C12orf42: variants seen among roughly 807,000 people sequenced by gnomAD.
C12orf42 encodes the protein uncharacterized protein C12orf42.
A neutral mutation model predicts 21.6 loss-of-function variants in C12orf42; 25 were observed. The ratio of observed to expected loss-of-function variants is 1.16; its 90% CI spans 0.84 to 1.62. The LOEUF (loss-of-function observed/expected upper bound fraction) is 1.62, where lower values mean the gene tolerates loss of function less well. C12orf42 is among the 40% of genes most tolerant of loss of function. C12orf42 has a pLI of 0.00. For missense variants in C12orf42, 483 were observed against 459.3 expected, an observed-to-expected ratio of 1.05 and a Z score of -0.47; for synonymous variants, 174 against 175.0, an observed-to-expected ratio of 0.99 and a Z score of 0.05.
intron 3 of C12orf42, among the ~76,000 whole-genome samples, chr12:103,393,550 A>T (rs1004129554): frequency 2.0e-5 from 3 of 152,146 alleles, no homozygotes; most frequent in African/African-American, 7.2e-5. Flanking sequence ...TATATGACAA[A>T]TATCAACAAC....
At chr12:103,395,375 G>T (rs187277882) in intron 3 of C12orf42, among the ~76,000 whole-genome samples, 153 of 143,080 alleles carry the variant, frequency 1.1e-3, no homozygotes, top group African/African-American at 3.6e-3. Flanking sequence ...TCACTCTGTC[G>T]CCCAGGCTGG....
chr12:103,557,161 T>C, the C12orf42 span, among the ~76,000 whole-genome samples: 4 of 152,160 alleles, frequency 2.6e-5, no homozygotes, highest in East Asian at 7.7e-4. Context: ...TCCAAGAAAC[T>C]ATTTGAATTC....
At chr12:103,494,889 G>A (rs535139258) in intron 1 of C12orf42, among the ~76,000 whole-genome samples, 2 of 152,300 alleles carry the variant, frequency 1.3e-5, no homozygotes, top group East Asian at 1.9e-4. Flanking sequence ...CCGGGAGGGG[G>A]CAGCACAGTT....
At chr12:103,508,160 T>C in the C12orf42 span, among the ~76,000 whole-genome samples, 1 of 152,200 alleles carries the variant, frequency 6.6e-6, no homozygotes, top group Non-Finnish European at 1.5e-5. Flanking sequence ...TTTTTCAACT[T>C]TATAATGAGT....
the C12orf42 span, among the ~76,000 whole-genome samples, chr12:103,516,026 A>G: frequency 6.6e-6 from 1 of 152,238 alleles, no homozygotes; most frequent in Non-Finnish European, 1.5e-5. Context: ...CAGTATAGAT[A>G]GTACTTGGAA....
At chr12:103,143,493 A>G in the C12orf42 span, among the ~76,000 whole-genome samples, 1 of 152,230 alleles carries the variant, frequency 6.6e-6, no homozygotes, top group Admixed American at 6.5e-5. Context: ...AGGACTGTAG[A>G]AACTCACAAA....
chr12:103,210,579 G>A, the C12orf42 span, among the ~76,000 whole-genome samples: 1 of 145,948 alleles, frequency 6.9e-6, no homozygotes, highest in Non-Finnish European at 1.5e-5. Flanking sequence ...TGCATTTCAT[G>A]AACACTGTTC....
chr12:103,272,574 C>A (rs1236108796), intron 5 of C12orf42, among the ~76,000 whole-genome samples: 1 of 152,124 alleles, frequency 6.6e-6, no homozygotes, highest in Non-Finnish European at 1.5e-5. Context: ...AAAGAACACC[C>A]TTATTTTCTA....
At chr12:103,321,850 C>G (rs1238330995) in intron 4 of C12orf42, among the ~76,000 whole-genome samples, 2 of 150,326 alleles carry the variant, frequency 1.3e-5, no homozygotes, top group Non-Finnish European at 3.0e-5. Context: ...GAACATCACA[C>G]TCTGGGGCCT....
chr12:103,421,555 C>T (rs989509083), intron 2 of C12orf42, among the ~76,000 whole-genome samples: 2 of 151,204 alleles, frequency 1.3e-5, no homozygotes, highest in Non-Finnish European at 2.9e-5. Context: ...GTCTGGGCAA[C>T]AGAGCAAGAC....
chr12:103,365,451 C>T (rs540164443), intron 4 of C12orf42, among the ~76,000 whole-genome samples: 1 of 152,134 alleles, frequency 6.6e-6, no homozygotes, highest in South Asian at 2.1e-4. Context: ...TTCTATTCAA[C>T]ATAGTACTGG....
chr12:103,540,690 T>C, the C12orf42 span, among the ~76,000 whole-genome samples: 3 of 152,214 alleles, frequency 2.0e-5, no homozygotes. Context: ...CAAGTTTATC[T>C]CTTTTAAATA....
At position 103,442,722 on chromosome 12, in the gene C12orf42, T is replaced by G. The variant is rs1951330659; in HGVS notation, c.78+35627A>C. ...TTAACAAATAATACATTAAGCGCTTTCTATGTGTCAGACACTGCACTACAT... is the reference window on the plus strand; with the variant it reads ...TTAACAAATAATACATTAAGCGCTTGCTATGTGTCAGACACTGCACTACAT... On this transcript the variant is annotated intron_variant, in intron 2 of 5. Transcript: ENST00000548883. 1.3e-5 allele frequency among the ~76,000 whole-genome samples: 2 copies of G among 152,156 alleles called. 1 individual carries two copies. The highest frequency in any genetic ancestry group is 4.1e-4 in the South Asian group (2 of 4,832).
the C12orf42 span, among the ~76,000 whole-genome samples, chr12:103,089,501 C>A: frequency 6.6e-6 from 1 of 152,002 alleles, no homozygotes; most frequent in Non-Finnish European, 1.5e-5. Context: ...CGTAAGAAAT[C>A]GGTAATGAGA....
chr12:103,135,331 G>A, the C12orf42 span, among the ~76,000 whole-genome samples: 1 of 152,026 alleles, frequency 6.6e-6, no homozygotes, highest in African/African-American at 2.4e-5. Context: ...GGTGGCAGGT[G>A]TCTGTAGTCC....
chr12:103,450,665 A>T (rs1592867142), intron 2 of C12orf42, among the ~76,000 whole-genome samples: 1 of 151,920 alleles, frequency 6.6e-6, no homozygotes, highest in East Asian at 1.9e-4. Context: ...CTCCAGTTTT[A>T]CTCTCCAGGA....
chr12:103,469,935 G>T (rs559146964), intron 2 of C12orf42, among the ~76,000 whole-genome samples: 1 of 152,248 alleles, frequency 6.6e-6, no homozygotes, highest in East Asian at 1.9e-4. Flanking sequence ...AGCTCAGTTT[G>T]CTCATAAAAT....
chr12:103,242,497 C>T (rs1301674396), intron 10 of C12orf42, among the ~76,000 whole-genome samples: 8 of 151,852 alleles, frequency 5.3e-5, no homozygotes, highest in Middle Eastern at 3.4e-3. Context: ...AATACTTCAC[C>T]CTGTCTTTTT....
chr12:103,224,396 G>T, the C12orf42 span, among the ~76,000 whole-genome samples: 1 of 152,194 alleles, frequency 6.6e-6, no homozygotes, highest in African/African-American at 2.4e-5. Flanking sequence ...ACCTGCCTTT[G>T]CTGGTGTGTG....
Sources: gnomAD v4.1 joint callset for allele counts (sites outside exome capture counted in the v4.1 genomes callset) on GRCh38, gnomAD v4.1.1 for gene constraint, MANE v1.5 for transcripts, NCBI Gene and HGNC (gene_info 2026-07-23, HGNC 2026-07-21) for gene names.